F13A1: variants seen among roughly 807,000 people sequenced by gnomAD.
F13A1 encodes FSF, A subunit.
F13A1 carries 47 observed loss-of-function variants against 80.1 expected under a neutral mutation model. That is an observed-to-expected ratio of 0.59 (90% CI 0.46 to 0.75). The LOEUF (loss-of-function observed/expected upper bound fraction) is 0.75. Among genes scored for constraint, F13A1 ranks in the 30% least tolerant of loss-of-function variants. The pLI is 0.00. For synonymous variants in F13A1, 349 were observed against 344.9 expected (o/e 1.01, Z -0.13); for missense variants, 817 against 930.4 (o/e 0.88, Z 1.59).
At chr6:6,272,058 C>G (rs1757928707) in intron 3 of F13A1, among the ~76,000 whole-genome samples, 1 of 152,208 alleles carries the variant, frequency 6.6e-6, no homozygotes, top group Non-Finnish European at 1.5e-5. Context: ...CTAGCCACAG[C>G]TCAAATTCAG....
intron 6 of F13A1, among the ~76,000 whole-genome samples, chr6:6,226,085 T>C (rs1389963351): frequency 6.6e-6 from 1 of 152,164 alleles, no homozygotes; most frequent in Non-Finnish European, 1.5e-5. Flanking sequence ...GGCCAAGAGG[T>C]AACAGTTTCA....
intron 4 of F13A1, among the ~76,000 whole-genome samples, chr6:6,254,008 T>G (rs1258716966): frequency 6.6e-6 from 1 of 152,140 alleles, no homozygotes; most frequent in Non-Finnish European, 1.5e-5. Flanking sequence ...TATAAGCAGG[T>G]AGAGAAACAT....
chr6:6,224,615 G>A (rs886079988), intron 7 of F13A1, 71 bp downstream of exon 7: 22 of 1,430,076 alleles, frequency 1.5e-5, no homozygotes, highest in Non-Finnish European at 2.2e-5. Context: ...CTCTTTGTTA[G>A]GTTATAGAAA....
chr6:6,280,024 G>A (rs949272159), intron 3 of F13A1, among the ~76,000 whole-genome samples: 1 of 152,160 alleles, frequency 6.6e-6, no homozygotes, highest in Admixed American at 6.5e-5. Flanking sequence ...AGTGTTAAAT[G>A]AGTTTGCATT....
At chr6:6,303,677 C>A (rs1352752401) in intron 3 of F13A1, among the ~76,000 whole-genome samples, 2 of 152,136 alleles carry the variant, frequency 1.3e-5, no homozygotes, top group Non-Finnish European at 2.9e-5. Context: ...CTTTGACCAA[C>A]CCCTTGGGAG....
intron 6 of F13A1, among the ~76,000 whole-genome samples, chr6:6,244,908 G>A (rs1757534146): frequency 6.6e-6 from 1 of 152,182 alleles, no homozygotes; most frequent in Admixed American, 6.5e-5. Flanking sequence ...TTTTGAGTGA[G>A]TTAGGAAGAC....
At chr6:6,255,838 A>G (rs1255625265) in intron 4 of F13A1, among the ~76,000 whole-genome samples, 1 of 152,108 alleles carries the variant, frequency 6.6e-6, no homozygotes, top group East Asian at 1.9e-4. Flanking sequence ...TTTATTTATG[A>G]TTTTAAAAAG....
At chr6:6,165,108 C>T (rs1760643539) in intron 13 of F13A1, among the ~76,000 whole-genome samples, 1 of 152,192 alleles carries the variant, frequency 6.6e-6, no homozygotes, top group African/African-American at 2.4e-5. Context: ...ACAAACTTGG[C>T]ATGGACAGAA....
At chr6:6,241,786 T>C (rs1757487120) in intron 6 of F13A1, among the ~76,000 whole-genome samples, 1 of 152,246 alleles carries the variant, frequency 6.6e-6, no homozygotes, top group South Asian at 2.1e-4. Flanking sequence ...ACAAACTTTA[T>C]ATATTTATTT....
At chr6:6,184,597 G>A (rs1761044156) in intron 10 of F13A1, among the ~76,000 whole-genome samples, 1 of 152,214 alleles carries the variant, frequency 6.6e-6, no homozygotes, top group Non-Finnish European at 1.5e-5. Flanking sequence ...ATTCCCTCTG[G>A]AGGAAGCCAT....
At chr6:6,316,079 A>G (rs530124470) in intron 2 of F13A1, among the ~76,000 whole-genome samples, 993 of 2,726 alleles carry the variant, frequency 0.36, 21 homozygotes, top group South Asian at 0.43. Context: ...GTGTGTGTGC[A>G]TATATATATA....
chr6:6,298,154 A>T (rs1291568362), intron 3 of F13A1, among the ~76,000 whole-genome samples: 2 of 145,038 alleles, frequency 1.4e-5, no homozygotes, highest in Admixed American at 1.4e-4. Context: ...TGCTGAGGAG[A>T]GCTTTACTTC....
In F13A1 at chr6:6,316,124, T is replaced by C. The variant is rs1251025744; in HGVS notation, c.130+2411A>G. 3.7e-4 allele frequency among the ~76,000 whole-genome samples: 27 copies of C among 72,768 alleles called. 1 individual carries two copies. The highest frequency in any genetic ancestry group is 1.2e-3 in the Admixed American group (8 of 6,924). 47.7% of individuals were successfully genotyped at this position (72,768 alleles called of 152,430 possible). Reference sequence around the variant, plus strand: ...ATATATATATATATATATATATATATATATATATATATATATATAGTTTTT... The same window carrying C: ...ATATATATATATATATATATATATACATATATATATATATATATAGTTTTT... On this transcript the variant is annotated intron_variant, in intron 2 of 14. Transcript: ENST00000264870.
intron 6 of F13A1, among the ~76,000 whole-genome samples, chr6:6,244,196 G>C (rs1757525052): frequency 6.6e-6 from 1 of 152,186 alleles, no homozygotes; most frequent in Admixed American, 6.5e-5. Flanking sequence ...TAAGTGTTCG[G>C]ATGGCACAAA....
intron 3 of F13A1, among the ~76,000 whole-genome samples, chr6:6,282,516 G>A (rs1758080712): frequency 6.6e-6 from 1 of 152,160 alleles, no homozygotes; most frequent in Admixed American, 6.5e-5. Flanking sequence ...TTCCTATAAA[G>A]TACTTATTAA....
chr6:6,181,232 T>G (rs1583058685), intron 11 of F13A1, among the ~76,000 whole-genome samples: 1 of 152,332 alleles, frequency 6.6e-6, no homozygotes, highest in South Asian at 2.1e-4. Flanking sequence ...TCTGAATCAG[T>G]TGGACTAAAT....
chr6:6,290,515 AT>A (rs1336296712), intron 3 of F13A1, among the ~76,000 whole-genome samples: 6 of 152,176 alleles, frequency 3.9e-5, no homozygotes, highest in Non-Finnish European at 7.4e-5. Flanking sequence ...AACAAGATTC[AT>A]TTTTTGACTA....
chr6:6,290,025 CAA>C (rs750055291), intron 3 of F13A1, among the ~76,000 whole-genome samples: 2 of 152,134 alleles, frequency 1.3e-5, no homozygotes, highest in Non-Finnish European at 2.9e-5. Flanking sequence ...CTCTGGACAA[CAA>C]ATCCTCTGGA....
At chr6:6,274,826 A>G (rs1055503044) in intron 3 of F13A1, among the ~76,000 whole-genome samples, 2 of 152,238 alleles carry the variant, frequency 1.3e-5, no homozygotes, top group African/African-American at 2.4e-5. Flanking sequence ...TTAAAGGTGG[A>G]AAAGGTAGAG....
Sources: gnomAD v4.1 joint callset for allele counts (sites outside exome capture counted in the v4.1 genomes callset) on GRCh38, gnomAD v4.1.1 for gene constraint, MANE v1.5 for transcripts, NCBI Gene and HGNC (gene_info 2026-07-23, HGNC 2026-07-21) for gene names.